Variants in WNT2 observed in about 807,000 individuals in gnomAD.
WNT2 encodes the protein Wnt family member 2.
Under a neutral mutation model 36.9 loss-of-function variants are expected in WNT2, and 12 were observed. The observed-to-expected ratio is 0.33, with a 90% CI of 0.21 to 0.53. WNT2 has a LOEUF of 0.53. Among genes scored for constraint, WNT2 ranks in the 20% least tolerant of loss-of-function variants. WNT2 has a pLI of 0.95. For synonymous variants in WNT2, 163 were observed against 174.6 expected, an observed-to-expected ratio of 0.93 and a Z score of 0.52; for missense variants, 379 against 473.1, an observed-to-expected ratio of 0.80 and a Z score of 1.84.
intron 2 of WNT2, among the ~76,000 whole-genome samples, chr7:117,317,077 T>G (rs1189487646): frequency 6.6e-6 from 1 of 152,206 alleles, no homozygotes; most frequent in African/African-American, 2.4e-5. Context: ...CGCCCATGTT[T>G]AGAGAGATCA....
intron 3 of WNT2, among the ~76,000 whole-genome samples, chr7:117,310,559 G>T (rs1020644163): frequency 6.9e-6 from 1 of 144,608 alleles, no homozygotes; most frequent in Admixed American, 7.0e-5. Context: ...CTCCAGCCTG[G>T]GTAACAAAGC....
rs556803298 is a variant in WNT2 at position 117,322,991 on chromosome 7, T to C, written c.-2A>G. On this transcript the variant is annotated 5_prime_UTR_variant, in exon 1 of 5. An upstream open reading frame in the 5' UTR loses its in-frame stop. Coordinates refer to ENST00000265441, the MANE Select transcript of WNT2 (RefSeq NM_003391.3). The surrounding 1 kb of genome is among the most constrained non-coding windows in gnomAD (Gnocchi z 5.4). ...GATTCCACCGAGAGGGGCGTTCATA[T>C]TAACCCCCTTGCGTCTGCATCAGGT... The C allele has an allele frequency of 1.9e-6, 3 of 1,611,138 alleles. No homozygotes were observed. Among genetic ancestry groups the C allele is most frequent in the Admixed American group, 1.7e-5 (1 of 59,712 alleles).
At chr7:117,319,818 A>G (rs1031900061) in intron 2 of WNT2, among the ~76,000 whole-genome samples, 1 of 152,214 alleles carries the variant, frequency 6.6e-6, no homozygotes, top group Non-Finnish European at 1.5e-5. Flanking sequence ...AAAAACCTCT[A>G]TGTATTCATG....
rs201132660 is a variant in WNT2, at chr7:117,297,593, G to A, written c.853+19C>T. 1 of 1,597,354 alleles carries A rather than the reference G, an allele frequency of 6.3e-7. No homozygotes were observed. The highest frequency in any genetic ancestry group is 8.6e-7 in the Non-Finnish European group (1 of 1,166,764). ...TGTTGAAAGAATTAGGTACTATAAA[G>A]AAAGTCTTTTGAACTTACCTGCCTC... is the stretch of plus-strand genomic sequence containing the variant. On this transcript the variant is annotated intron_variant, in intron 4 of 4. Transcript: ENST00000265441.
At chr7:117,296,910 A>G (rs1438773595) in intron 4 of WNT2, among the ~76,000 whole-genome samples, 1 of 152,206 alleles carries the variant, frequency 6.6e-6, no homozygotes, top group East Asian at 1.9e-4. Context: ...GCAATTTCTA[A>G]GCATATTGAA....
At position 117,315,242 on chromosome 7, in the gene WNT2, T is replaced by C; in HGVS notation, c.417A>G (p.Pro139=). 1.9e-6 allele frequency: 3 copies of C among 1,614,216 alleles called. No homozygotes were observed. The highest frequency in any genetic ancestry group is 2.5e-6 in the Non-Finnish European group (3 of 1,180,018). ...TGTCCTTGGCGCTTCCCATCTTCTTTGGATCACAGGAACAGGATTTTACTT... is the reference window on the plus strand; with the variant it reads ...TGTCCTTGGCGCTTCCCATCTTCTTCGGATCACAGGAACAGGATTTTACTT... The part of the protein sequence containing the change: ...QGEVKSCSCD[P]KKMGSAKDSK... The change falls in exon 3 of 5, where the codon CCA becomes CCG. Residue 139 remains proline (P), a synonymous_variant. Coordinates refer to ENST00000265441, the MANE Select transcript of WNT2 (RefSeq NM_003391.3).
chr7:117,292,028 C>T (rs1037959100), intron 4 of WNT2, among the ~76,000 whole-genome samples: 7 of 152,184 alleles, frequency 4.6e-5, no homozygotes, highest in Admixed American at 1.3e-4. Context: ...CCGCCCTCCT[C>T]GGCCTCCCAG....
chr7:117,310,631 T>C lies in WNT2; in HGVS notation c.588+4440A>G, dbSNP rs974248098. ...AGGGCTCTCCAGATCTGGCTGGGAC[T>C]CAAATTTCAAATTTTCAGCCTCAGT... is the stretch of plus-strand genomic sequence containing the variant. On this transcript the variant is annotated intron_variant, in intron 3 of 4. Coordinates refer to ENST00000265441, the MANE Select transcript of WNT2 (RefSeq NM_003391.3). Among the ~76,000 whole-genome samples the C allele has an allele frequency of 1.7e-3, 240 of 145,348 alleles. 1 individual carries two copies. The highest frequency in any genetic ancestry group is 5.9e-3 in the African/African-American group (234 of 39,382).
Position 117,276,379 on chromosome 7 carries a change from C to T in WNT2, c.*1776G>A, listed in dbSNP as rs1482664455. ...GCCCATGTGCCTGGCCTTCTTCACA[C>T]CAAGCTCAGAGCAGCTACTGTCATT... On this transcript the variant is annotated 3_prime_UTR_variant, in exon 5 of 5. Coordinates refer to ENST00000265441, the MANE Select transcript of WNT2 (RefSeq NM_003391.3). 6.6e-6 allele frequency among the ~76,000 whole-genome samples: 1 copy of T among 152,240 alleles called. No individual in the cohort carries two copies. Among genetic ancestry groups the T allele is most frequent in the Non-Finnish European group, 1.5e-5 (1 of 68,046 alleles).
intron 3 of WNT2, among the ~76,000 whole-genome samples, chr7:117,301,961 C>T (rs10264968): frequency 0.026 from 3,954 of 151,936 alleles, 168 homozygotes; most frequent in African/African-American, 0.091. Context: ...GTGCATGCCA[C>T]CACGCCTTGC....
rs557529949 is a variant in WNT2 at position 117,307,066 on chromosome 7, C to CT, written c.588+8004dup. On this transcript the variant is annotated intron_variant, in intron 3 of 4. Coordinates refer to ENST00000265441, the MANE Select transcript of WNT2 (RefSeq NM_003391.3). ...TAAGAAACTTCCATTTTTTAGTGTT[C>CT]TTTTTTTCTTTTAAACAAACTTCTA... 3.5e-3 allele frequency among the ~76,000 whole-genome samples: 532 copies of CT among 151,682 alleles called. 3 individuals carry two copies. The highest frequency in any genetic ancestry group is 0.027 in the Middle Eastern group (8 of 294).
At chr7:117,292,534 G>C (rs937175229) in intron 4 of WNT2, among the ~76,000 whole-genome samples, 1 of 152,082 alleles carries the variant, frequency 6.6e-6, no homozygotes, top group Non-Finnish European at 1.5e-5. Context: ...AAATGTTCTC[G>C]CATCCTTCTC....
chr7:117,319,801 A>T (rs930666601), intron 2 of WNT2, among the ~76,000 whole-genome samples: 3 of 152,200 alleles, frequency 2.0e-5, no homozygotes, highest in Non-Finnish European at 2.9e-5. Flanking sequence ...GTTCCTGCTA[A>T]GGAAGAAAAA....
At position 117,322,817 on chromosome 7, in the gene WNT2, C is replaced by A. The variant is rs370838020; in HGVS notation, c.83+90G>T. On this transcript the variant is annotated intron_variant, in intron 1 of 4. Transcript: ENST00000265441. The surrounding 1 kb of genome is among the most constrained non-coding windows in gnomAD (Gnocchi z 5.4). ...CCAGAATCCGAGACTGCTGCGGCCG[C>A]GGGGGAACGCAGCCAGGAAGGGTCT... is the stretch of plus-strand genomic sequence containing the variant. 9.2e-5 allele frequency: 125 copies of A among 1,365,778 alleles called. No homozygotes were observed. Among genetic ancestry groups the A allele is most frequent in the East Asian group, 5.5e-4 (24 of 43,246 alleles). The allele number at this position is 1,365,778 out of a possible 1,614,324, so 84.6% of individuals were successfully genotyped here.
At chr7:117,301,739 A>C (rs1794909508) in intron 3 of WNT2, among the ~76,000 whole-genome samples, 1 of 151,222 alleles carries the variant, frequency 6.6e-6, no homozygotes, top group South Asian at 2.1e-4. Flanking sequence ...TATAAATCAC[A>C]TTGTGATTTT....
intron 1 of WNT2, among the ~76,000 whole-genome samples, chr7:117,321,835 A>G (rs889104554): frequency 2.6e-5 from 4 of 152,208 alleles, no homozygotes; most frequent in African/African-American, 4.8e-5. Flanking sequence ...AGCAATGTCA[A>G]GGCTAAACGC....
At chr7:117,294,150 C>T (rs1048913862) in intron 4 of WNT2, among the ~76,000 whole-genome samples, 5 of 152,196 alleles carry the variant, frequency 3.3e-5, no homozygotes, top group Non-Finnish European at 7.3e-5. Context: ...CCTCCCGCCT[C>T]AGTCTCCCAA....
At chr7:117,298,730 A>G (rs1011221629) in intron 3 of WNT2, among the ~76,000 whole-genome samples, 3 of 152,138 alleles carry the variant, frequency 2.0e-5, no homozygotes, top group African/African-American at 7.2e-5. Context: ...ACTTTCCCCA[A>G]AGCAATTTGG....
At chr7:117,320,117 C>T (rs1389883360) in intron 2 of WNT2, among the ~76,000 whole-genome samples, 1 of 152,230 alleles carries the variant, frequency 6.6e-6, no homozygotes, top group African/African-American at 2.4e-5. Context: ...TTCTTAATAT[C>T]ACTTAAGTGG....
Sources: allele counts gnomAD v4.1 joint callset (sites outside exome capture counted in the v4.1 genomes callset), GRCh38; gene constraint gnomAD v4.1.1; non-coding constraint Gnocchi (gnomAD v3.1); transcripts MANE v1.5; gene names NCBI Gene and HGNC (gene_info 2026-07-23, HGNC 2026-07-21).